The following PCDHGB2 variants were observed in gnomAD, a reference collection of about 807,000 sequenced individuals.
PCDHGB2 encodes the protein protocadherin gamma-B2.
Under a neutral mutation model 59.3 loss-of-function variants are expected in PCDHGB2, and 55 were observed. The observed-to-expected ratio is 0.93, with a 90% CI of 0.75 to 1.16. The LOEUF (loss-of-function observed/expected upper bound fraction) is 1.16, where lower values mean the gene tolerates loss of function less well. Among genes scored for constraint, PCDHGB2 ranks in the 50% most tolerant of loss-of-function variants. The pLI is 0.00. For missense variants in PCDHGB2, 1,228 were observed against 1,198.5 expected (o/e 1.02, Z -0.36); for synonymous variants, 516 against 512.0 (o/e 1.01, Z -0.11).
At chr5:141,389,304 GCTT>G (rs762969573) in intron 1 of PCDHGB2, 2 of 1,614,006 alleles carry the variant, frequency 1.2e-6, no homozygotes, top group Non-Finnish European at 1.7e-6. Context: ...ACAAGTCAGG[GCTT>G]CTGATCCGGA....
At chr5:141,383,723 G>A in intron 1 of PCDHGB2, 1 of 1,613,946 alleles carries the variant, frequency 6.2e-7, no homozygotes. Context: ...GGAGTCAATG[G>A]GGAAGTGACA....
chr5:141,420,179 T>C (rs1420076172), intron 1 of PCDHGB2: 16 of 1,614,054 alleles, frequency 9.9e-6, no homozygotes, highest in Non-Finnish European at 1.2e-5. Flanking sequence ...TGTTGATCAT[T>C]GTCCAGCCAC....
At chr5:141,366,451 C>T (rs372498112) in intron 1 of PCDHGB2, 14 of 1,614,228 alleles carry the variant, frequency 8.7e-6, no homozygotes, top group Non-Finnish European at 1.0e-5. Flanking sequence ...TCCTGGCCTT[C>T]GTCATCGTGC....
At position 141,511,423 on chromosome 5, in the gene PCDHGB2, A is replaced by G. The variant is rs1301463531; in HGVS notation, c.*250A>G. On this transcript the variant is annotated 3_prime_UTR_variant, in exon 4 of 4. Transcript: ENST00000522605. ...AATCAACTGCTGTACCCATGGGGGTAGTGGGGTTACTGTAGACACCAAGAA... is the reference window on the plus strand; with the variant it reads ...AATCAACTGCTGTACCCATGGGGGTGGTGGGGTTACTGTAGACACCAAGAA... 15 of 818,384 alleles carry G rather than the reference A, an allele frequency of 1.8e-5. No homozygotes were observed. Among genetic ancestry groups the G allele is most frequent in the East Asian group, 3.0e-5 (1 of 33,874 alleles). 50.7% of individuals were successfully genotyped at this position (818,384 alleles called of 1,614,324 possible). A position where few individuals can be genotyped will look rare whatever the true frequency, so the allele number is the denominator to read the frequency against.
At chr5:141,366,806 T>G in intron 1 of PCDHGB2, 2 of 1,560,888 alleles carry the variant, frequency 1.3e-6, no homozygotes, top group Non-Finnish European at 1.7e-6. Context: ...GTTTCCTTTT[T>G]CATGTTTCTG....
At chr5:141,363,943 T>C (rs1763121140) in intron 1 of PCDHGB2, among the ~76,000 whole-genome samples, 1 of 152,216 alleles carries the variant, frequency 6.6e-6, no homozygotes, top group African/African-American at 2.4e-5. Context: ...AATAATCATA[T>C]TGATCTCAGG....
In PCDHGB2 at chr5:141,488,647, T is replaced by TG. The variant is rs535492979; in HGVS notation, c.2422-6155dup. ...CTCACCTTAGCAGCATTCAGCAGGA[T>TG]GGGGGAGGGTGGGGGAATACATGGG... On this transcript the variant is annotated intron_variant, in intron 1 of 3. Transcript: ENST00000522605. Among the ~76,000 whole-genome samples, 173 of 152,088 alleles carry TG rather than the reference T, an allele frequency of 1.1e-3. 1 individual carries two copies. Among genetic ancestry groups the TG allele is most frequent in the African/African-American group, 3.9e-3 (160 of 41,492 alleles).
In PCDHGB2 at chr5:141,477,362, G is replaced by T. The variant is rs920445601; in HGVS notation, c.2422-17445G>T. 6.2e-7 allele frequency: 1 copy of T among 1,614,142 alleles called. No individual in the cohort carries two copies. The highest frequency in any genetic ancestry group is 1.3e-5 in the African/African-American group (1 of 75,022). On this transcript the variant is annotated intron_variant, in intron 1 of 3. Coordinates refer to ENST00000522605, the MANE Select transcript of PCDHGB2 (RefSeq NM_018923.3). The surrounding 1 kb of genome is among the most constrained non-coding windows in gnomAD (Gnocchi z 4.9). ...CACTTTGAAAACCAGTGCAGACCTG[G>T]ATCGGGAGACTGTGCCAGAATACAA...
intron 1 of PCDHGB2, chr5:141,384,788 G>A: frequency 1.2e-6 from 2 of 1,613,236 alleles, no homozygotes; most frequent in Non-Finnish European, 1.7e-6. Context: ...CGCACGGCTC[G>A]GGCCCTGCTG....
At chr5:141,501,837 G>C (rs2099811299) in intron 2 of PCDHGB2, among the ~76,000 whole-genome samples, 1 of 152,018 alleles carries the variant, frequency 6.6e-6, no homozygotes, top group Admixed American at 6.5e-5. Flanking sequence ...CCACCTGTTT[G>C]GCCCTCAACC....
intron 2 of PCDHGB2, among the ~76,000 whole-genome samples, chr5:141,500,894 C>CAG (rs10656935): frequency 0.58 from 88,074 of 150,994 alleles, 27,125 homozygotes; most frequent in African/African-American, 0.78. Flanking sequence ...TTTTTTGAGA[C>CAG]AGTCTCGCTC....
chr5:141,419,616 AC>A, intron 1 of PCDHGB2: 1 of 1,612,204 alleles, frequency 6.2e-7, no homozygotes, highest in Non-Finnish European at 8.5e-7. Flanking sequence ...CAGCCAGGCT[AC>A]CTGGTGACCA....
At chr5:141,414,811 C>T in intron 1 of PCDHGB2, 3 of 1,614,254 alleles carry the variant, frequency 1.9e-6, no homozygotes, top group Non-Finnish European at 2.5e-6. Context: ...GGATCCTCCA[C>T]TCAGCAGCAA....
chr5:141,388,747 C>T (rs1434278785), intron 1 of PCDHGB2: 2 of 1,613,862 alleles, frequency 1.2e-6, no homozygotes, highest in African/African-American at 1.3e-5. Context: ...AGCCAGATCA[C>T]CCAATTTGAC....
chr5:141,433,571 C>T lies in PCDHGB2; in HGVS notation c.2422-61236C>T, dbSNP rs2097625242. ...TCTTTTCTGGCTGGGCGCGGTGGCT[C>T]ACGCCTGTAATCCCAGTACTTTGGG... On this transcript the variant is annotated intron_variant, in intron 1 of 3. Coordinates refer to ENST00000522605, the MANE Select transcript of PCDHGB2 (RefSeq NM_018923.3). 3.9e-5 allele frequency among the ~76,000 whole-genome samples: 6 copies of T among 152,228 alleles called. No homozygotes were observed. The South Asian group carries it at 1.2e-3, about 32-fold the overall frequency.
At position 141,403,597 on chromosome 5, in the gene PCDHGB2, G is replaced by T. The variant is rs772486529; in HGVS notation, c.2421+41041G>T. On this transcript the variant is annotated intron_variant, in intron 1 of 3. Transcript: ENST00000522605. ...CCCACCACCTGGTCCTCACGGCCTC[G>T]GATGGCGGCGAGCCGCGTCGCTCCA... The T allele has an allele frequency of 1.3e-5, 21 of 1,613,692 alleles. No individual in the cohort carries two copies. The African/African-American group carries it at 2.5e-4, about 19-fold the overall frequency.
At chr5:141,377,245 G>C (rs376774075) in intron 1 of PCDHGB2, 1 of 151,350 alleles carries the variant, frequency 6.6e-6, no homozygotes, top group South Asian at 2.1e-4. Context: ...TGTGACATTT[G>C]TAAGGTTCTT....
intron 1 of PCDHGB2, chr5:141,423,114 A>G: frequency 1.9e-6 from 3 of 1,613,848 alleles, no homozygotes; most frequent in Non-Finnish European, 1.7e-6. Context: ...AGGTGCGTAC[A>G]GCGCGGGCAC....
chr5:141,478,121 G>T lies in PCDHGB2; in HGVS notation c.2422-16686G>T. On this transcript the variant is annotated intron_variant, in intron 1 of 3. Coordinates refer to ENST00000522605, the MANE Select transcript of PCDHGB2 (RefSeq NM_018923.3). ...TACCCTCACTGTGTCAGTAACCGAG[G>T]ACTCTCCTGAAGCCCGAGCCGAGTT... 2.5e-6 allele frequency: 4 copies of T among 1,614,036 alleles called. No individual in the cohort carries two copies. In the African/African-American group the frequency reaches 4.0e-5, roughly 16 times the overall value.
Sources: gnomAD v4.1 joint callset for allele counts (sites outside exome capture counted in the v4.1 genomes callset) on GRCh38, gnomAD v4.1.1 for gene constraint, Gnocchi (gnomAD v3.1) non-coding constraint, MANE v1.5 for transcripts, NCBI Gene and HGNC (gene_info 2026-07-23, HGNC 2026-07-21) for gene names.